The following ECHDC1 variants were observed in gnomAD, a reference collection of about 807,000 sequenced individuals.
ECHDC1 encodes the protein ethylmalonyl-CoA decarboxylase 1.
In ECHDC1, 29 loss-of-function variants were observed where a neutral mutation model predicts 29.7. That is an observed-to-expected ratio of 0.98 (90% CI 0.73 to 1.33). The LOEUF (loss-of-function observed/expected upper bound fraction) is 1.33, where lower values mean the gene tolerates loss of function less well. Among genes scored for constraint, ECHDC1 ranks in the 40% most tolerant of loss-of-function variants. The pLI, the probability that ECHDC1 is intolerant of heterozygous loss-of-function variation, is 0.00. For missense variants in ECHDC1, 328 were observed against 350.0 expected (o/e 0.94, Z 0.50); for synonymous variants, 126 against 123.1 (o/e 1.02, Z -0.15).
At chr6:127,307,574 G>C (rs1039929397) in intron 5 of ECHDC1, among the ~76,000 whole-genome samples, 2 of 137,828 alleles carry the variant, frequency 1.5e-5, no homozygotes, top group African/African-American at 5.3e-5. Flanking sequence ...GGAGGTTGCA[G>C]TGAGCTGAGA....
Position 127,289,152 on chromosome 6 carries a change from C to T in ECHDC1, c.*717G>A, listed in dbSNP as rs1180081684. ...TTGCAGGATGCTTCATGAGTCCCTTCAAGTGGTTTAAAACTACATCAACAG... is the reference window on the plus strand; with the variant it reads ...TTGCAGGATGCTTCATGAGTCCCTTTAAGTGGTTTAAAACTACATCAACAG... On this transcript the variant is annotated 3_prime_UTR_variant, in exon 6 of 6. Transcript: ENST00000454859. 1 of 152,012 alleles carries T rather than the reference C, an allele frequency of 6.6e-6. No individual in the cohort carries two copies. Among genetic ancestry groups the T allele is most frequent in the East Asian group, 1.9e-4 (1 of 5,166 alleles). The allele number at this position is 152,012 out of a possible 1,614,324, so 9.4% of individuals were successfully genotyped here.
intron 5 of ECHDC1, among the ~76,000 whole-genome samples, chr6:127,311,063 T>C (rs1157557152): frequency 6.6e-6 from 1 of 152,206 alleles, no homozygotes; most frequent in Admixed American, 6.5e-5. Flanking sequence ...ATAACTTATA[T>C]ACGCACTGGG....
intron 1 of ECHDC1, among the ~76,000 whole-genome samples, chr6:127,334,525 C>T (rs570897006): frequency 3.3e-5 from 5 of 152,226 alleles, no homozygotes; most frequent in African/African-American, 1.2e-4. Context: ...CCAATCAGGA[C>T]ATTTCAAATT....
At chr6:127,306,237 C>G (rs1781426162) in intron 5 of ECHDC1, among the ~76,000 whole-genome samples, 1 of 152,070 alleles carries the variant, frequency 6.6e-6, no homozygotes, top group Non-Finnish European at 1.5e-5. Flanking sequence ...ATAAATGGGT[C>G]AATTAAGCAA....
intron 5 of ECHDC1, among the ~76,000 whole-genome samples, chr6:127,293,501 G>A (rs1010033763): frequency 3.4e-4 from 51 of 152,068 alleles, no homozygotes; most frequent in African/African-American, 1.2e-3. Flanking sequence ...AAGAAACATG[G>A]TACAAAGAGG....
chr6:127,339,348 G>A (rs1030797738), intron 1 of ECHDC1, among the ~76,000 whole-genome samples: 1 of 150,388 alleles, frequency 6.6e-6, no homozygotes, highest in East Asian at 1.9e-4. Context: ...AGCTCTTAAC[G>A]CAGAATTTTA....
In ECHDC1 at chr6:127,307,759, G is replaced by GA. The variant is rs35725675; in HGVS notation, c.497+7056dup. 6.2e-3 allele frequency among the ~76,000 whole-genome samples: 853 copies of GA among 137,634 alleles called. 8 individuals are homozygous for GA. Among genetic ancestry groups the GA allele is most frequent in the African/African-American group, 0.018 (662 of 37,360 alleles). 90.3% of individuals were successfully genotyped at this position (137,634 alleles called of 152,430 possible). On this transcript the variant is annotated intron_variant, in intron 5 of 5. Transcript: ENST00000454859. Reference sequence around the variant, plus strand: ...AAAAATCTCTAGCCAGACTAACAAAGAAAAAAAAAAAGAGAAATTCCAAAT... The same window carrying GA: ...AAAAATCTCTAGCCAGACTAACAAAGAAAAAAAAAAAAGAGAAATTCCAAAT...
At chr6:127,335,273 C>T (rs555222085) in intron 1 of ECHDC1, among the ~76,000 whole-genome samples, 1 of 152,012 alleles carries the variant, frequency 6.6e-6, no homozygotes, top group Non-Finnish European at 1.5e-5. Flanking sequence ...ACATATATTT[C>T]AAAAACTTGA....
rs1246881433 is a variant in ECHDC1, at chr6:127,313,370, T to G, written c.497+1446A>C. 4 of 280,034 alleles carry G rather than the reference T, an allele frequency of 1.4e-5. No individual in the cohort carries two copies. The East Asian group carries it at 3.4e-4, about 24-fold the overall frequency. The allele number at this position is 280,034 out of a possible 1,614,324, so 17.3% of individuals were successfully genotyped here. A position where few individuals can be genotyped will look rare whatever the true frequency, so the allele number is the denominator to read the frequency against. ...GGCATGTGCCACCACACCTGGCTAA[T>G]TTTTGTATTTTGAGTAGAGATAGGG... On this transcript the variant is annotated intron_variant, in intron 5 of 5. Coordinates refer to ENST00000454859, the MANE Select transcript of ECHDC1 (RefSeq NM_001002030.2).
chr6:127,313,515 A>C, intron 5 of ECHDC1: 1 of 446,918 alleles, frequency 2.2e-6, no homozygotes, highest in African/African-American at 2.0e-5. Context: ...AAAGTTTTTA[A>C]ATGTACAACA....
intron 5 of ECHDC1, among the ~76,000 whole-genome samples, chr6:127,294,074 T>A (rs565509868): frequency 6.6e-6 from 1 of 152,278 alleles, no homozygotes; most frequent in African/African-American, 2.4e-5. Flanking sequence ...GGTAAGACAG[T>A]TATCCCTCTA....
Position 127,288,904 on chromosome 6 carries a change from T to C in ECHDC1, c.*965A>G, listed in dbSNP as rs1265924850. On this transcript the variant is annotated 3_prime_UTR_variant, in exon 6 of 6. Coordinates refer to ENST00000454859, the MANE Select transcript of ECHDC1 (RefSeq NM_001002030.2). The stretch of plus-strand genomic sequence containing the variant: ...AGTTATTTTTACCATGATTCTCAAA[T>C]GTGAATTGAATGTTACAGTAGCAAA... 2 of 152,074 alleles carry C rather than the reference T, an allele frequency of 1.3e-5. No individual in the cohort carries two copies. The highest frequency in any genetic ancestry group is 2.4e-5 in the African/African-American group (1 of 41,442). 9.4% of individuals were successfully genotyped at this position (152,074 alleles called of 1,614,324 possible).
At chr6:127,322,478 T>C (rs112857250) in intron 3 of ECHDC1, among the ~76,000 whole-genome samples, 65 of 152,224 alleles carry the variant, frequency 4.3e-4, no homozygotes, top group African/African-American at 1.5e-3. Context: ...TTAACCAAGA[T>C]TTACTTCAGG....
At chr6:127,292,296 T>G (rs1460482980) in intron 5 of ECHDC1, among the ~76,000 whole-genome samples, 1 of 152,068 alleles carries the variant, frequency 6.6e-6, no homozygotes, top group Non-Finnish European at 1.5e-5. Flanking sequence ...TGTAAGCACA[T>G]TCATATTTGG....
At chr6:127,318,326 T>C (rs548795673) in intron 3 of ECHDC1, among the ~76,000 whole-genome samples, 2 of 152,330 alleles carry the variant, frequency 1.3e-5, no homozygotes, top group East Asian at 3.9e-4. Context: ...TATTTTTCCA[T>C]CAAGATTTTC....
chr6:127,304,222 G>C (rs545953699), intron 5 of ECHDC1, among the ~76,000 whole-genome samples: 1 of 152,266 alleles, frequency 6.6e-6, no homozygotes, highest in South Asian at 2.1e-4. Context: ...ATTTGTTTGG[G>C]AGAAAGTGAG....
rs374632135 is a variant in ECHDC1 at position 127,342,136 on chromosome 6, G to A, written c.-3+1200C>T. ...CTCCTCTAACATAGGACTACATAAA[G>A]TCCCCTTATTGTCTGCTCTCAGAAC... is the stretch of plus-strand genomic sequence containing the variant. On this transcript the variant is annotated intron_variant, in intron 1 of 5. Transcript: ENST00000454859. 2.6e-5 allele frequency among the ~76,000 whole-genome samples: 4 copies of A among 152,320 alleles called. No homozygotes were observed. In the South Asian group the frequency reaches 8.3e-4, roughly 32 times the overall value.
At position 127,289,901 on chromosome 6, in the gene ECHDC1, C is replaced by A. The variant is rs1398878990; in HGVS notation, c.874G>T (p.Ala292Ser). Residue 292 changes from alanine to serine, a missense_variant, in exon 6 of 6, where the codon GCT becomes TCT. Physicochemically the swap from Ala to Ser is moderately conservative, Grantham distance 99. Coordinates refer to ENST00000454859, the MANE Select transcript of ECHDC1 (RefSeq NM_001002030.2). The stretch of plus-strand genomic sequence containing the variant: ...TTAAATTTTCCTTTCTTAGCAATAG[C>A]CTCTAAATTTGCAGGCCCACCCCAA... ...TVWGGPANLE[A>S]IAKKGKFNK 3 of 1,611,692 alleles carry A rather than the reference C, an allele frequency of 1.9e-6. No individual in the cohort carries two copies. Among genetic ancestry groups the A allele is most frequent in the Non-Finnish European group, 8.5e-7 (1 of 1,178,998 alleles).
chr6:127,311,669 C>CAAAAAAAAAAAAAAAAAAAAAAAAAAAAA (rs71272311), intron 5 of ECHDC1, among the ~76,000 whole-genome samples: 15 of 25,038 alleles, frequency 6.0e-4, no homozygotes, highest in Non-Finnish European at 1.1e-3. Flanking sequence ...GGCTCTGTCT[C>CAAAAAAAAAAAAAAAAAAAAAAAAAAAAA]AAAAAAAAAA....
Sources: gnomAD v4.1 joint callset for allele counts (sites outside exome capture counted in the v4.1 genomes callset) on GRCh38, gnomAD v4.1.1 for gene constraint, MANE v1.5 for transcripts, NCBI Gene and HGNC (gene_info 2026-07-23, HGNC 2026-07-21) for gene names.